TPGS2: variants seen among roughly 807,000 people sequenced by gnomAD.
The protein encoded by TPGS2 is tubulin polyglutamylase complex subunit 2.
A neutral mutation model predicts 31.1 loss-of-function variants in TPGS2; 26 were observed. That is an observed-to-expected ratio of 0.84 (90% CI 0.61 to 1.16). TPGS2 has a LOEUF of 1.16. TPGS2 is among the 50% of genes most tolerant of loss of function. The pLI is 0.00. For missense variants in TPGS2, 351 were observed against 363.8 expected (o/e 0.96, Z 0.29); for synonymous variants, 130 against 136.6 (o/e 0.95, Z 0.34).
Position 36,828,897 on chromosome 18 carries a change from T to C in TPGS2, c.-130A>G, listed in dbSNP as rs2046334460. On this transcript the variant is annotated 5_prime_UTR_variant, in exon 1 of 7. Coordinates refer to ENST00000334295, the MANE Select transcript of TPGS2 (RefSeq NM_015476.4). ...GCCTGAAAGCGCGGCGCAGTGATGA[T>C]GGGGGCCCGGGGTTGGTCTGACAGC... The C allele has an allele frequency of 3.4e-6, 4 of 1,185,140 alleles. No individual in the cohort carries two copies. Among genetic ancestry groups the C allele is most frequent in the Non-Finnish European group, 4.7e-6 (4 of 852,506 alleles). The allele number at this position is 1,185,140 out of a possible 1,614,324, so 73.4% of individuals were successfully genotyped here.
At chr18:36,824,436 G>A (rs78928028) in intron 1 of TPGS2, among the ~76,000 whole-genome samples, 3 of 152,308 alleles carry the variant, frequency 2.0e-5, no homozygotes, top group Non-Finnish European at 4.4e-5. Flanking sequence ...CCAATCTTTT[G>A]AGGAAGTGCC....
chr18:36,794,236 T>G lies in TPGS2; in HGVS notation c.*2569A>C. The G allele has an allele frequency of 1.0e-6, 1 of 969,280 alleles. No individual in the cohort carries two copies. Among genetic ancestry groups the G allele is most frequent in the Non-Finnish European group, 1.2e-6 (1 of 815,276 alleles). The allele number at this position is 969,280 out of a possible 1,614,324, so 60.0% of individuals were successfully genotyped here. A position where few individuals can be genotyped will look rare whatever the true frequency, so the allele number is the denominator to read the frequency against. On this transcript the variant is annotated 3_prime_UTR_variant, in exon 7 of 7. Coordinates refer to ENST00000334295, the MANE Select transcript of TPGS2 (RefSeq NM_015476.4). ...TACATTTTAGTACCTGTAAAGGTAA[T>G]GTTTTCCTGCTGTTTGCACAAAAGC...
chr18:36,815,855 T>C (rs1204283574), intron 2 of TPGS2, among the ~76,000 whole-genome samples: 1 of 127,614 alleles, frequency 7.8e-6, no homozygotes, highest in Non-Finnish European at 1.5e-5. Flanking sequence ...TACTTACTTA[T>C]TTTTTAAGAG....
intron 6 of TPGS2, 109 bp downstream of exon 6, chr18:36,798,340 C>G: frequency 1.3e-5 from 21 of 1,559,000 alleles, no homozygotes; most frequent in Non-Finnish European, 1.6e-5. Flanking sequence ...TGGGCCCCAC[C>G]CTAGATCTCC....
chr18:36,782,403 G>A (rs923188395), downstream of TPGS2, among the ~76,000 whole-genome samples: 5 of 152,090 alleles, frequency 3.3e-5, no homozygotes, highest in Admixed American at 1.3e-4. Flanking sequence ...TCTACACATC[G>A]GACTCACCTG....
At chr18:36,821,288 G>A (rs1035135946) in intron 1 of TPGS2, among the ~76,000 whole-genome samples, 21 of 152,120 alleles carry the variant, frequency 1.4e-4, no homozygotes, top group South Asian at 4.1e-4. Context: ...ACTGAGGGGG[G>A]CAGACATTAG....
chr18:36,799,473 C>T (rs1162132492), intron 5 of TPGS2, among the ~76,000 whole-genome samples: 1 of 152,160 alleles, frequency 6.6e-6, no homozygotes, highest in Non-Finnish European at 1.5e-5. Context: ...GGCTTTTACC[C>T]ATTTGTCCCT....
chr18:36,797,683 G>A (rs796124591), intron 6 of TPGS2, among the ~76,000 whole-genome samples: 5 of 150,612 alleles, frequency 3.3e-5, no homozygotes, highest in African/African-American at 7.3e-5. Context: ...CTGGAGCTGA[G>A]TTCCTAATTT....
In TPGS2 at chr18:36,796,278, G is replaced by C. The variant is rs2044521860; in HGVS notation, c.*527C>G. The C allele has an allele frequency of 2.0e-6, 2 of 984,924 alleles. No individual in the cohort carries two copies. Among genetic ancestry groups the C allele is most frequent in the Non-Finnish European group, 2.4e-6 (2 of 829,570 alleles). 61.0% of individuals were successfully genotyped at this position (984,924 alleles called of 1,614,324 possible). ...TATTCTAATGCAGTGCTGTCCAACA[G>C]AACTTTCTGTGGTGATGGAAATGTT... On this transcript the variant is annotated 3_prime_UTR_variant, in exon 7 of 7. Coordinates refer to ENST00000334295, the MANE Select transcript of TPGS2 (RefSeq NM_015476.4).
intron 1 of TPGS2, among the ~76,000 whole-genome samples, chr18:36,821,855 C>T (rs774715344): frequency 2.0e-5 from 3 of 152,178 alleles, no homozygotes; most frequent in Admixed American, 6.5e-5. Flanking sequence ...TCCCCGCTGG[C>T]GTGCTTTCCT....
At chr18:36,781,152 G>A (rs2044001686), downstream of TPGS2, among the ~76,000 whole-genome samples, 1 of 152,146 alleles carries the variant, frequency 6.6e-6, no homozygotes, top group African/African-American at 2.4e-5. Flanking sequence ...GGCACTGGGA[G>A]GGGCTCTCAG....
At chr18:36,804,766 A>C (rs2045026910) in intron 4 of TPGS2, among the ~76,000 whole-genome samples, 1 of 152,224 alleles carries the variant, frequency 6.6e-6, no homozygotes, top group African/African-American at 2.4e-5. Flanking sequence ...CTGGGTTGCC[A>C]TTTGACTCTT....
intron 6 of TPGS2, among the ~76,000 whole-genome samples, chr18:36,787,891 G>A (rs1398715171): frequency 6.6e-6 from 1 of 152,176 alleles, no homozygotes; most frequent in Non-Finnish European, 1.5e-5. Context: ...GTCAGCAGGT[G>A]TTATGAAAAA....
At chr18:36,781,964 A>G, downstream of TPGS2, 1 of 980,504 alleles carries the variant, frequency 1.0e-6, no homozygotes, top group Non-Finnish European at 1.2e-6. Context: ...GTCATTTTCC[A>G]TATGCTTCTA....
In TPGS2 at chr18:36,796,908, A is replaced by C. The variant is rs1011606452; in HGVS notation, c.800T>G (p.Val267Gly). ...KIVIPKKKGP[V>G]QPAGGQKGPS... ...CCCTTTCTGGCCACCTGCAGGCTGC[A>C]CAGGCCCTTTCTTTTTTGGGATTAC... The change falls in exon 7 of 7, where the codon GTG becomes GGG. Residue 267 changes from valine (V) to glycine (G), a missense_variant. Coordinates refer to ENST00000334295, the MANE Select transcript of TPGS2 (RefSeq NM_015476.4). 6.2e-7 allele frequency: 1 copy of C among 1,610,814 alleles called. No homozygotes were observed. Among genetic ancestry groups the C allele is most frequent in the Non-Finnish European group, 8.5e-7 (1 of 1,179,006 alleles).
At chr18:36,815,410 G>A (rs2045607994) in intron 2 of TPGS2, among the ~76,000 whole-genome samples, 1 of 152,134 alleles carries the variant, frequency 6.6e-6, no homozygotes, top group South Asian at 2.1e-4. Context: ...TAAACTTTTT[G>A]GGGTTATGAG....
At position 36,794,412 on chromosome 18, in the gene TPGS2, G is replaced by A; in HGVS notation, c.*2393C>T. 1.0e-6 allele frequency: 1 copy of A among 985,456 alleles called. No homozygotes were observed. The highest frequency in any genetic ancestry group is 1.2e-6 in the Non-Finnish European group (1 of 829,954). The allele number at this position is 985,456 out of a possible 1,614,324, so 61.0% of individuals were successfully genotyped here. A position where few individuals can be genotyped will look rare whatever the true frequency, so the allele number is the denominator to read the frequency against. On this transcript the variant is annotated 3_prime_UTR_variant, in exon 7 of 7. Transcript: ENST00000334295. Reference sequence around the variant, plus strand: ...TGAGAACTCCCACTTGATTGCCACAGATTTGAGTGACACCGCTGACCTCCT... The same window carrying A: ...TGAGAACTCCCACTTGATTGCCACAAATTTGAGTGACACCGCTGACCTCCT...
chr18:36,781,901 A>G, downstream of TPGS2: 1 of 985,428 alleles, frequency 1.0e-6, no homozygotes, highest in Non-Finnish European at 1.2e-6. Context: ...TCTGTACATT[A>G]TAGACGGTTG....
rs1322313771 is a variant in TPGS2, at chr18:36,795,571, A to G, written c.*1234T>C. The stretch of plus-strand genomic sequence containing the variant: ...CCAGGACTGTAGAGGGAGGAAATAA[A>G]TAGGCATTCCTAATTGAAAATCTGA... On this transcript the variant is annotated 3_prime_UTR_variant, in exon 7 of 7. Coordinates refer to ENST00000334295, the MANE Select transcript of TPGS2 (RefSeq NM_015476.4). The G allele has an allele frequency of 5.1e-6, 5 of 985,348 alleles. No individual in the cohort carries two copies. Among genetic ancestry groups the G allele is most frequent in the Non-Finnish European group, 6.0e-6 (5 of 829,948 alleles). 61.0% of individuals were successfully genotyped at this position (985,348 alleles called of 1,614,324 possible).
Sources: allele counts gnomAD v4.1 joint callset (sites outside exome capture counted in the v4.1 genomes callset), GRCh38; gene constraint gnomAD v4.1.1; transcripts MANE v1.5; gene names NCBI Gene and HGNC (gene_info 2026-07-23, HGNC 2026-07-21).